The following FGF14 variants were observed in gnomAD, a reference collection of about 807,000 sequenced individuals.
FGF14 encodes fibroblast growth factor homologous factor 4.
In FGF14, 5 loss-of-function variants were observed where a neutral mutation model predicts 25.5. The observed-to-expected ratio is 0.20, with a 90% CI of 0.10 to 0.41. The LOEUF (loss-of-function observed/expected upper bound fraction) is 0.41. FGF14 is among the 10% of genes least tolerant of loss of function. The probability of loss-of-function intolerance (pLI) is 1.00; values close to 1 mark genes in which losing one functional copy is unlikely to be tolerated. For missense variants in FGF14, 222 were observed against 320.1 expected, an observed-to-expected ratio of 0.69 and a Z score of 2.34; for synonymous variants, 138 against 118.3, an observed-to-expected ratio of 1.17 and a Z score of -1.08.
At chr13:102,327,425 C>T (rs1224427067) in intron 1 of FGF14, among the ~76,000 whole-genome samples, 1 of 152,242 alleles carries the variant, frequency 6.6e-6, no homozygotes, top group African/African-American at 2.4e-5. Flanking sequence ...CATTGAATTA[C>T]TAACAGATGC....
At chr13:102,069,831 G>T (rs546892712) in intron 1 of FGF14, among the ~76,000 whole-genome samples, 4 of 152,172 alleles carry the variant, frequency 2.6e-5, no homozygotes, top group African/African-American at 7.2e-5. Context: ...ACCAATTCCA[G>T]ACACAACGGC....
At chr13:102,401,644 T>C (rs1438941189) in exon 1 of FGF14, 2 of 1,614,064 alleles carry the variant, frequency 1.2e-6, no homozygotes, top group South Asian at 2.2e-5. Context: ...TAATTTGAAA[T>C]CAGTTCTCCT....
At chr13:102,275,537 A>T (rs1238445211) in intron 1 of FGF14, among the ~76,000 whole-genome samples, 5 of 152,202 alleles carry the variant, frequency 3.3e-5, no homozygotes, top group African/African-American at 1.2e-4. Context: ...AGATCCAAGT[A>T]TTCAGCCATA....
Position 101,714,382 on chromosome 13 carries a change from G to A in FGF14, c.*8449C>T, listed in dbSNP as rs2034620153. The stretch of plus-strand genomic sequence containing the variant: ...TCAGTGTGTCAACGATATTCTATTC[G>A]AGATGGAAACCTTTAGTTATAAGGT... On this transcript the variant is annotated 3_prime_UTR_variant, in exon 5 of 5. Transcript: ENST00000376143. The A allele has an allele frequency of 8.1e-6, 8 of 991,436 alleles. No homozygotes were observed. The highest frequency in any genetic ancestry group is 1.3e-5 in the South Asian group (1 of 77,472). 61.4% of individuals were successfully genotyped at this position (991,436 alleles called of 1,614,324 possible). A position where few individuals can be genotyped will look rare whatever the true frequency, so the allele number is the denominator to read the frequency against.
chr13:102,129,675 C>T (rs752683643), intron 1 of FGF14, among the ~76,000 whole-genome samples: 7 of 151,000 alleles, frequency 4.6e-5, no homozygotes, highest in Non-Finnish European at 1.0e-4. Context: ...CATCACACAC[C>T]GGGGCCTATT....
In FGF14 at chr13:101,711,149, G is replaced by C. The variant is rs1027419205; in HGVS notation, c.*11682C>G. ...CAAAGTACATGATATAATTCATTGT[G>C]GGTTGTTTTGTTCATTTGGGGATTT... On this transcript the variant is annotated 3_prime_UTR_variant, in exon 5 of 5. Transcript: ENST00000376143. 1 of 152,168 alleles carries C rather than the reference G, an allele frequency of 6.6e-6. No homozygotes were observed. The highest frequency in any genetic ancestry group is 1.5e-5 in the Non-Finnish European group (1 of 68,050). 9.4% of individuals were successfully genotyped at this position (152,168 alleles called of 1,614,324 possible). A position where few individuals can be genotyped will look rare whatever the true frequency, so the allele number is the denominator to read the frequency against.
At position 101,999,155 on chromosome 13, in the gene FGF14, C is replaced by T. The variant is rs115535079; in HGVS notation, c.209-123859G>A. 7.5e-3 allele frequency among the ~76,000 whole-genome samples: 1,142 copies of T among 152,188 alleles called. 16 individuals are homozygous for T. The highest frequency in any genetic ancestry group is 0.026 in the African/African-American group (1,070 of 41,492). On this transcript the variant is annotated intron_variant, in intron 1 of 4. Coordinates refer to the FGF14 transcript ENST00000376131. ...CCTTATTATCTAATTAGTCACAGTA[C>T]TCATTTTATAATTTAACATTAAAGA...
At chr13:102,203,156 GT>G (rs2049745373) in intron 1 of FGF14, among the ~76,000 whole-genome samples, 1 of 152,100 alleles carries the variant, frequency 6.6e-6, no homozygotes, top group Non-Finnish European at 1.5e-5. Context: ...GTTTTCCTTT[GT>G]TTTGATAGCA....
At chr13:102,376,683 T>C (rs1237054216) in intron 1 of FGF14, among the ~76,000 whole-genome samples, 1 of 152,176 alleles carries the variant, frequency 6.6e-6, no homozygotes, top group Non-Finnish European at 1.5e-5. Flanking sequence ...TAATAAAATA[T>C]CCAAGGAAGT....
chr13:101,869,947 T>C (rs2044956335), intron 2 of FGF14, among the ~76,000 whole-genome samples: 1 of 152,178 alleles, frequency 6.6e-6, no homozygotes, highest in African/African-American at 2.4e-5. Context: ...ACACCCTCTC[T>C]TCTGATTATT....
intron 1 of FGF14, among the ~76,000 whole-genome samples, chr13:102,093,205 C>G (rs368923733): frequency 6.6e-6 from 1 of 151,628 alleles, no homozygotes; most frequent in African/African-American, 2.4e-5. Flanking sequence ...AAAAAAAATT[C>G]TTAGGTGTGC....
At chr13:102,150,126 T>G (rs1344530010) in intron 1 of FGF14, among the ~76,000 whole-genome samples, 1 of 152,152 alleles carries the variant, frequency 6.6e-6, no homozygotes, top group African/African-American at 2.4e-5. Context: ...GAAATTTTTC[T>G]GGTCTCAGTT....
chr13:101,949,751 T>C (rs889760861), intron 1 of FGF14, among the ~76,000 whole-genome samples: 1 of 152,176 alleles, frequency 6.6e-6, no homozygotes, highest in African/African-American at 2.4e-5. Flanking sequence ...CCAAGCAGCA[T>C]TGCATCCATT....
chr13:102,356,928 C>A (rs1594937066), intron 1 of FGF14, among the ~76,000 whole-genome samples: 1 of 142,014 alleles, frequency 7.0e-6, no homozygotes, highest in Non-Finnish European at 1.5e-5. Flanking sequence ...CTATAAAATG[C>A]ATATATATAT....
chr13:102,272,903 G>A (rs2053320971), intron 1 of FGF14, among the ~76,000 whole-genome samples: 5 of 152,118 alleles, frequency 3.3e-5, no homozygotes, highest in Admixed American at 3.3e-4. Flanking sequence ...TCATTGATAA[G>A]ACTTTTAAAG....
At chr13:102,396,542 G>C (rs9557860) in intron 1 of FGF14, among the ~76,000 whole-genome samples, 8,392 of 152,270 alleles carry the variant, frequency 0.055, 391 homozygotes, top group East Asian at 0.19. Flanking sequence ...CAATGTTTGT[G>C]TTGCTAAAAC....
chr13:101,726,846 G>T, intron 3 of FGF14, 36 bp from the exon 4 acceptor site: 2 of 1,459,324 alleles, frequency 1.4e-6, no homozygotes, highest in South Asian at 1.2e-5. Context: ...TTAGAGGAAG[G>T]AACTTGATCT....
chr13:101,823,215 A>C (rs2042240713), intron 3 of FGF14, among the ~76,000 whole-genome samples: 1 of 151,986 alleles, frequency 6.6e-6, no homozygotes, highest in Non-Finnish European at 1.5e-5. Context: ...TCTTTGGGTA[A>C]AAGTCTAGGA....
At chr13:102,088,021 T>C (rs9557800) in intron 1 of FGF14, among the ~76,000 whole-genome samples, 11,995 of 152,296 alleles carry the variant, frequency 0.079, 558 homozygotes, top group East Asian at 0.16. Context: ...GGTGGTTACT[T>C]AACTTTGCAT....
Sources: gnomAD v4.1 joint callset for allele counts (sites outside exome capture counted in the v4.1 genomes callset) on GRCh38, gnomAD v4.1.1 for gene constraint, MANE v1.5 for transcripts, NCBI Gene and HGNC (gene_info 2026-07-23, HGNC 2026-07-21) for gene names.